The following FANCB variants were observed in gnomAD, a reference collection of about 807,000 sequenced individuals.
FANCB encodes the protein FA complementation group B.
A neutral mutation model predicts 38.9 loss-of-function variants in FANCB; 5 were observed. The ratio of observed to expected loss-of-function variants is 0.13; its 90% confidence interval spans 0.07 to 0.27. FANCB has a LOEUF of 0.27. Ranked by LOEUF, FANCB falls within the 10% of genes least tolerant of loss-of-function variation. FANCB has a pLI of 1.00. For missense variants in FANCB, 573 were observed against 602.7 expected (o/e 0.95, Z 0.52); for synonymous variants, 236 against 215.4 (o/e 1.10, Z -0.84).
the FANCB span, among the ~76,000 whole-genome samples, chrX:14,720,476 C>T: frequency 9.0e-6 from 1 of 111,466 alleles, no homozygotes. Context: ...ACTCAACAGA[C>T]AATATGGAGA....
At chrX:14,801,670 C>A in the FANCB span, among the ~76,000 whole-genome samples, 5 of 110,959 alleles carry the variant, frequency 4.5e-5, no homozygotes, top group African/African-American at 1.6e-4. Context: ...ATGACAAAAT[C>A]CTATATCCTT....
the FANCB span, among the ~76,000 whole-genome samples, chrX:14,739,752 C>T: frequency 9.0e-6 from 1 of 111,480 alleles, no homozygotes; most frequent in South Asian, 3.8e-4. Flanking sequence ...TACACATGCT[C>T]CCACATGAGA....
chrX:14,792,261 T>C, the FANCB span, among the ~76,000 whole-genome samples: 53 of 111,549 alleles, frequency 4.8e-4, no homozygotes, highest in African/African-American at 1.6e-3. Context: ...AAAAGAGATA[T>C]GTGCACAAAT....
chrX:14,797,845 T>A, the FANCB span, among the ~76,000 whole-genome samples: 15 of 111,334 alleles, frequency 1.3e-4, no homozygotes, highest in African/African-American at 4.6e-4. Flanking sequence ...AAAATACTTA[T>A]ACTGGCTACC....
At chrX:14,809,350 CTG>C in the FANCB span, among the ~76,000 whole-genome samples, 2 of 112,409 alleles carry the variant, frequency 1.8e-5, no homozygotes, top group African/African-American at 6.5e-5. Context: ...GTGCAGCGCA[CTG>C]TGTGCGAGCT....
Position 14,865,194 on chromosome X carries a change from T to A in FANCB, c.317A>T (p.Glu106Val). The change falls in exon 3 of 10, where the codon GAA becomes GTA. Residue 106 changes from glutamate to valine, a missense_variant. By Grantham distance (121) the Glu-to-Val change is moderately radical. Coordinates refer to ENST00000650831, the MANE Select transcript of FANCB (RefSeq NM_001018113.3). The part of the protein sequence containing the change: ...IEKNKKNNVF[E>V]YFLLILHSTN... ...ACTGTGAAGGATTAGTAAAAAATAT[T>A]CAAAAACATTATTCTTTTTATTTTT... 1 of 1,164,505 alleles carries A rather than the reference T, an allele frequency of 8.6e-7. No individual in the cohort carries two copies. The highest frequency in any genetic ancestry group is 2.8e-5 in the Admixed American group (1 of 36,270).
chrX:14,818,085 T>A, the FANCB span, among the ~76,000 whole-genome samples: 1 of 111,734 alleles, frequency 8.9e-6, no homozygotes, highest in East Asian at 2.8e-4. Context: ...CCGGTCCTCA[T>A]TGAGCCTTTG....
chrX:14,751,310 A>C, the FANCB span, among the ~76,000 whole-genome samples: 1 of 112,830 alleles, frequency 8.9e-6, no homozygotes, highest in East Asian at 2.8e-4. Flanking sequence ...CACAGCATGA[A>C]AATGAACAAA....
chrX:14,695,207 A>G, the FANCB span, among the ~76,000 whole-genome samples: 7 of 111,651 alleles, frequency 6.3e-5, no homozygotes, highest in South Asian at 3.8e-4. Flanking sequence ...TAGAAAGCCT[A>G]TCTAGAGTGG....
At chrX:14,794,133 T>C in the FANCB span, among the ~76,000 whole-genome samples, 1 of 111,605 alleles carries the variant, frequency 9.0e-6, no homozygotes. Flanking sequence ...AGCTAGGTAA[T>C]GGTCCAGGTT....
chrX:14,820,140 C>T, the FANCB span, among the ~76,000 whole-genome samples: 5 of 111,117 alleles, frequency 4.5e-5, no homozygotes, highest in Non-Finnish European at 7.5e-5. Flanking sequence ...TCCTATCCTC[C>T]TGATTGGTTC....
the FANCB span, chrX:14,730,438 T>A: frequency 8.3e-7 from 1 of 1,206,517 alleles, no homozygotes; most frequent in Non-Finnish European, 1.1e-6. Flanking sequence ...CATCTTTTAC[T>A]GGATCACATA....
At chrX:14,814,205 C>A in the FANCB span, among the ~76,000 whole-genome samples, 3 of 111,526 alleles carry the variant, frequency 2.7e-5, no homozygotes, top group Non-Finnish European at 5.7e-5. Flanking sequence ...AATGTTAGAC[C>A]TAAAACCATA....
downstream of FANCB, among the ~76,000 whole-genome samples, chrX:14,838,752 T>C (rs1035052295): frequency 2.7e-5 from 3 of 112,207 alleles, no homozygotes; most frequent in African/African-American, 9.7e-5. Context: ...TCCTAGTATA[T>C]ACTAAAAGGC....
At chrX:14,704,546 C>T in the FANCB span, among the ~76,000 whole-genome samples, 1 of 112,215 alleles carries the variant, frequency 8.9e-6, no homozygotes, top group East Asian at 2.8e-4. Flanking sequence ...TAATTTGTCT[C>T]TATCACTGTT....
At chrX:14,691,860 T>G in the FANCB span, among the ~76,000 whole-genome samples, 7 of 112,314 alleles carry the variant, frequency 6.2e-5, no homozygotes. Flanking sequence ...TAACATTTTA[T>G]GTACAGTAGA....
downstream of FANCB, among the ~76,000 whole-genome samples, chrX:14,833,388 T>A (rs1351917925): frequency 8.9e-6 from 1 of 111,976 alleles, no homozygotes; most frequent in East Asian, 2.8e-4. Context: ...TCTCAAAGTG[T>A]GGCCCATGAA....
chrX:14,800,102 C>T, the FANCB span, among the ~76,000 whole-genome samples: 3 of 111,769 alleles, frequency 2.7e-5, no homozygotes, highest in African/African-American at 6.5e-5. Flanking sequence ...AGAACATCAA[C>T]GGTGTGACTA....
intron 3 of FANCB, among the ~76,000 whole-genome samples, chrX:14,864,303 A>T (rs1247546708): frequency 9.0e-6 from 1 of 111,569 alleles, no homozygotes; most frequent in African/African-American, 3.3e-5. Context: ...TAAATACATA[A>T]TTCTAGTTAC....
Sources: allele counts gnomAD v4.1 joint callset (sites outside exome capture counted in the v4.1 genomes callset), GRCh38; gene constraint gnomAD v4.1.1; transcripts MANE v1.5; gene names NCBI Gene and HGNC (gene_info 2026-07-23, HGNC 2026-07-21).